Variants in JMJD1C observed in about 807,000 individuals in gnomAD.
The protein encoded by JMJD1C is jumonji domain-containing protein 1C.
Under a neutral mutation model 245.3 loss-of-function variants are expected in JMJD1C, and 31 were observed. That is an observed-to-expected ratio of 0.13 (90% CI 0.09 to 0.17). The LOEUF is 0.17. JMJD1C is among the 10% of genes least tolerant of loss of function. The probability of loss-of-function intolerance (pLI) is 1.00; values close to 1 mark genes in which losing one functional copy is unlikely to be tolerated. For missense variants in JMJD1C, 2,691 were observed against 3,000.2 expected, an observed-to-expected ratio of 0.90 and a Z score of 2.41; for synonymous variants, 1,057 against 1,017.4, an observed-to-expected ratio of 1.04 and a Z score of -0.74.
chr10:63,238,830 C>T (rs748974001), intron 3 of JMJD1C, among the ~76,000 whole-genome samples: 3 of 152,154 alleles, frequency 2.0e-5, no homozygotes, highest in African/African-American at 4.8e-5. Context: ...ATATTTCATT[C>T]AACAAGATTT....
At position 63,168,333 on chromosome 10, in the gene JMJD1C, A is replaced by C. The variant is rs573546276; in HGVS notation, c.7533+102T>G. 1.9e-4 allele frequency: 229 copies of C among 1,233,348 alleles called. 1 individual carries two copies. Among genetic ancestry groups the C allele is most frequent in the Middle Eastern group, 2.8e-4 (1 of 3,532 alleles). 76.4% of individuals were successfully genotyped at this position (1,233,348 alleles called of 1,614,324 possible). A position where few individuals can be genotyped will look rare whatever the true frequency, so the allele number is the denominator to read the frequency against. On this transcript the variant is annotated intron_variant, in intron 25 of 25. Transcript: ENST00000399262. ...GGTGTTAATCTTTGGTTGTCACCCT[A>C]ATGTGACCAACTAGGCAATGACTGC...
intron 1 of JMJD1C, among the ~76,000 whole-genome samples, chr10:63,512,848 A>C (rs976047918): frequency 3.9e-5 from 6 of 151,906 alleles, no homozygotes; most frequent in Non-Finnish European, 8.8e-5. Flanking sequence ...CAGCTGTCTC[A>C]CAGTTCTTGC....
chr10:63,318,908 A>C (rs539383994), intron 2 of JMJD1C, among the ~76,000 whole-genome samples: 1 of 152,060 alleles, frequency 6.6e-6, no homozygotes. Flanking sequence ...ACCTTCTGGT[A>C]TCTGTATTCT....
At chr10:63,186,571 T>C (rs1035092326) in intron 18 of JMJD1C, among the ~76,000 whole-genome samples, 188 bp from the exon 19 acceptor site, 10 of 152,182 alleles carry the variant, frequency 6.6e-5, no homozygotes, top group Non-Finnish European at 1.3e-4. Context: ...TAGCTGAAAC[T>C]ATTAAATTTC....
chr10:63,291,931 T>A (rs1203668737), intron 2 of JMJD1C, among the ~76,000 whole-genome samples: 2 of 151,996 alleles, frequency 1.3e-5, no homozygotes, highest in Non-Finnish European at 2.9e-5. Flanking sequence ...GAAATGTGTG[T>A]GTGCATGTCT....
At chr10:63,199,903 A>G (rs560214950) in intron 11 of JMJD1C, among the ~76,000 whole-genome samples, 10 of 152,300 alleles carry the variant, frequency 6.6e-5, no homozygotes, top group Non-Finnish European at 1.2e-4. Context: ...GACTTGGCAT[A>G]CTTATCTCAT....
At chr10:63,234,508 A>AAC (rs1850449245) in intron 3 of JMJD1C, among the ~76,000 whole-genome samples, 1 of 148,908 alleles carries the variant, frequency 6.7e-6, no homozygotes, top group African/African-American at 2.5e-5. Context: ...AAAAAAAAAA[A>AAC]AAAAAAAAAA....
chr10:63,211,390 C>T (rs1383516695), intron 8 of JMJD1C, among the ~76,000 whole-genome samples: 2 of 150,756 alleles, frequency 1.3e-5, no homozygotes, highest in East Asian at 3.9e-4. Context: ...CACTTGAACC[C>T]GGGAGGCAGA....
At chr10:63,365,599 C>G (rs1394146699) in intron 2 of JMJD1C, among the ~76,000 whole-genome samples, 1 of 151,976 alleles carries the variant, frequency 6.6e-6, no homozygotes, top group South Asian at 2.1e-4. Flanking sequence ...ATAAGCTCCA[C>G]TAGAGGAGAA....
chr10:63,496,858 T>G (rs955634441), intron 1 of JMJD1C, among the ~76,000 whole-genome samples: 5 of 152,234 alleles, frequency 3.3e-5, no homozygotes, highest in Non-Finnish European at 7.3e-5. Flanking sequence ...AATGCATGTT[T>G]CCACTAGTTC....
intron 1 of JMJD1C, among the ~76,000 whole-genome samples, chr10:63,424,616 C>T (rs1950332094): frequency 6.8e-6 from 1 of 146,950 alleles, no homozygotes; most frequent in Admixed American, 7.0e-5. Flanking sequence ...AAGCAATCCT[C>T]CTACCTCAGC....
rs1554836493 is a variant in JMJD1C at position 63,207,267 on chromosome 10, G to GAAC, written c.4399_4401dup (p.Val1467dup). On this transcript the variant is annotated inframe_insertion, in exon 10 of 26. Transcript: ENST00000399262. ...GTGCCTGAGAACCCAGAACTGGGTTGAACAACACTTCCTGTCTTACTACTG... is the reference window on the plus strand; with the variant it reads ...GTGCCTGAGAACCCAGAACTGGGTTGAACAACAACACTTCCTGTCTTACTACTG... The GAAC allele has an allele frequency of 6.2e-7, 1 of 1,613,884 alleles. No individual in the cohort carries two copies. Among genetic ancestry groups the GAAC allele is most frequent in the African/African-American group, 1.3e-5 (1 of 75,056 alleles).
intron 1 of JMJD1C, among the ~76,000 whole-genome samples, chr10:63,441,126 T>C (rs1951359106): frequency 6.6e-6 from 1 of 152,196 alleles, no homozygotes; most frequent in Admixed American, 6.5e-5. Context: ...AGGCCGTGTG[T>C]AAAACAGTAT....
chr10:63,345,969 TA>T (rs1034270669), intron 2 of JMJD1C, among the ~76,000 whole-genome samples: 1 of 152,082 alleles, frequency 6.6e-6, no homozygotes, highest in Non-Finnish European at 1.5e-5. Context: ...TGGTTAACTT[TA>T]AAAAAAATTA....
At chr10:63,511,972 T>C (rs547221935) in intron 1 of JMJD1C, among the ~76,000 whole-genome samples, 49 of 152,312 alleles carry the variant, frequency 3.2e-4, no homozygotes, top group South Asian at 1.2e-3. Flanking sequence ...GAGTTTGCAA[T>C]AAACACTTAC....
At chr10:63,349,531 A>G (rs1157536363) in intron 2 of JMJD1C, among the ~76,000 whole-genome samples, 3 of 152,170 alleles carry the variant, frequency 2.0e-5, no homozygotes, top group Non-Finnish European at 4.4e-5. Context: ...ATAGCCAGGC[A>G]TGTATTAGCA....
intron 2 of JMJD1C, among the ~76,000 whole-genome samples, chr10:63,348,190 A>G (rs1211863418): frequency 2.3e-5 from 3 of 129,380 alleles, no homozygotes; most frequent in Admixed American, 1.6e-4. Context: ...TGGGGGACAG[A>G]GCGAGACTTC....
At chr10:63,304,385 G>A (rs1937714514) in intron 2 of JMJD1C, among the ~76,000 whole-genome samples, 1 of 151,598 alleles carries the variant, frequency 6.6e-6, no homozygotes, top group African/African-American at 2.4e-5. Flanking sequence ...AGAGAATGAG[G>A]ACTTAAGATT....
chr10:63,375,727 A>ATT (rs200705545), intron 2 of JMJD1C, among the ~76,000 whole-genome samples: 5 of 151,294 alleles, frequency 3.3e-5, no homozygotes, highest in African/African-American at 1.2e-4. Flanking sequence ...ATTTTATTTT[A>ATT]TTTTTTTTGC....
Sources: allele counts gnomAD v4.1 joint callset (sites outside exome capture counted in the v4.1 genomes callset), GRCh38; gene constraint gnomAD v4.1.1; transcripts MANE v1.5; gene names NCBI Gene and HGNC (gene_info 2026-07-23, HGNC 2026-07-21).